TENM1: variants seen among roughly 807,000 people sequenced by gnomAD.
The protein encoded by TENM1 is teneurin-1.
In TENM1, 35 loss-of-function variants were observed where a neutral mutation model predicts 174.8. The ratio of observed to expected loss-of-function variants is 0.20; its 90% CI spans 0.15 to 0.27. The LOEUF (loss-of-function observed/expected upper bound fraction) is 0.27, where lower values mean the gene tolerates loss of function less well. Ranked by LOEUF, TENM1 falls within the 10% of genes least tolerant of loss-of-function variation. The probability of loss-of-function intolerance (pLI) is 1.00; values close to 1 mark genes in which losing one functional copy is unlikely to be tolerated. For missense variants in TENM1, 1,633 were observed against 2,130.1 expected, an observed-to-expected ratio of 0.77 and a Z score of 4.59; for synonymous variants, 781 against 798.7, an observed-to-expected ratio of 0.98 and a Z score of 0.37.
the TENM1 span, among the ~76,000 whole-genome samples, chrX:125,106,119 T>A: frequency 8.9e-6 from 1 of 111,973 alleles, no homozygotes; most frequent in Non-Finnish European, 1.9e-5. Flanking sequence ...AGCTCAAATG[T>A]TACCTCCTCA....
intron 3 of TENM1, among the ~76,000 whole-genome samples, chrX:124,788,109 A>G (rs750796035): frequency 9.0e-6 from 1 of 111,508 alleles, no homozygotes; most frequent in East Asian, 2.8e-4. Context: ...ACCTGCCCCT[A>G]TAATTCAATA....
the TENM1 span, among the ~76,000 whole-genome samples, chrX:124,991,618 AAAAAGGGG>A: frequency 9.1e-6 from 1 of 110,483 alleles, no homozygotes; most frequent in Non-Finnish European, 1.9e-5. Context: ...TGATGATGCA[AAAAAGGGG>A]AATTTGTACT....
the TENM1 span, among the ~76,000 whole-genome samples, chrX:125,007,717 G>C: frequency 7.1e-5 from 8 of 111,899 alleles, no homozygotes; most frequent in Non-Finnish European, 1.3e-4. Flanking sequence ...CCAGAAGAGA[G>C]TGGGGGCCAA....
intron 11 of TENM1, among the ~76,000 whole-genome samples, chrX:124,622,126 C>G (rs1320232950): frequency 8.9e-6 from 1 of 112,110 alleles, no homozygotes; most frequent in South Asian, 3.7e-4. Flanking sequence ...GGTTACTTTT[C>G]ATTACACTGC....
chrX:125,063,442 A>C, the TENM1 span, among the ~76,000 whole-genome samples: 1 of 111,851 alleles, frequency 8.9e-6, no homozygotes, highest in South Asian at 3.8e-4. Context: ...CAGAATCTAC[A>C]ATGACTCAAA....
intron 11 of TENM1, among the ~76,000 whole-genome samples, chrX:124,628,999 T>C (rs767717158): frequency 9.0e-6 from 1 of 111,695 alleles, no homozygotes; most frequent in South Asian, 3.7e-4. Flanking sequence ...ATCCTAGAAA[T>C]AGTACAGTGG....
At chrX:125,163,481 T>C in the TENM1 span, among the ~76,000 whole-genome samples, 9 of 111,307 alleles carry the variant, frequency 8.1e-5, no homozygotes, top group Non-Finnish European at 3.8e-5. Flanking sequence ...GAGCAGTTCA[T>C]GTTCCTTCAG....
Position 124,766,222 on chromosome X carries a change from A to C in TENM1, c.536-29025T>G, listed in dbSNP as rs13328555. 4.5e-3 allele frequency among the ~76,000 whole-genome samples: 505 copies of C among 111,607 alleles called. 6 individuals are homozygous for C. Among genetic ancestry groups the C allele is most frequent in the African/African-American group, 0.015 (477 of 30,819 alleles). ...AAAAAGAACCCAGAAAAAGAACCCAAGTCTTTCAACTTCCAATCCAGTATC... is the reference window on the plus strand; with the variant it reads ...AAAAAGAACCCAGAAAAAGAACCCACGTCTTTCAACTTCCAATCCAGTATC... On this transcript the variant is annotated intron_variant, in intron 3 of 31. Transcript: ENST00000422452.
chrX:124,997,132 G>T, the TENM1 span, among the ~76,000 whole-genome samples: 2 of 110,954 alleles, frequency 1.8e-5, no homozygotes, highest in Non-Finnish European at 3.8e-5. Context: ...GGCAAATCAG[G>T]GCCAGATTAT....
chrX:124,924,152 G>C (rs980723957), intron 1 of TENM1, among the ~76,000 whole-genome samples: 2 of 111,736 alleles, frequency 1.8e-5, no homozygotes, highest in African/African-American at 6.5e-5. Context: ...CCATTTCCTT[G>C]TTTAATTTTC....
intron 25 of TENM1, among the ~76,000 whole-genome samples, chrX:124,418,361 A>G (rs895886475): frequency 1.3e-5 from 1 of 75,161 alleles, no homozygotes; most frequent in African/African-American, 5.3e-5. Flanking sequence ...ACCACCCCCC[A>G]CCCCCCAGAT....
the TENM1 span, among the ~76,000 whole-genome samples, chrX:124,993,921 TGGCAACATCCATGACTAACAGGA>T: frequency 9.0e-6 from 1 of 110,921 alleles, no homozygotes; most frequent in Non-Finnish European, 1.9e-5. Flanking sequence ...ACAGTGATAG[TGGCAACATCCATGACTAACAGGA>T]GGCAACATCA....
At chrX:125,180,883 T>C in the TENM1 span, among the ~76,000 whole-genome samples, 1 of 111,838 alleles carries the variant, frequency 8.9e-6, no homozygotes, top group Non-Finnish European at 1.9e-5. Context: ...TTCTCATCCC[T>C]ACCATTTGTT....
At chrX:124,642,741 G>A (rs73558364) in intron 10 of TENM1, among the ~76,000 whole-genome samples, 8,932 of 111,302 alleles carry the variant, frequency 0.08, 737 homozygotes, top group African/African-American at 0.24. Flanking sequence ...GTAGGTTCTT[G>A]TGCTTGCCTG....
chrX:124,676,257 AATATATATATAT>A (rs56962688), intron 5 of TENM1, among the ~76,000 whole-genome samples: 397 of 22,890 alleles, frequency 0.017, 12 homozygotes, highest in Middle Eastern at 0.023. Flanking sequence ...ACATATATAA[AATATATATATAT>A]ATATATATAT....
intron 14 of TENM1, among the ~76,000 whole-genome samples, chrX:124,552,414 C>A (rs12008708): frequency 0.023 from 1,602 of 71,181 alleles, 31 homozygotes; most frequent in African/African-American, 0.078. Flanking sequence ...TTCTTCATTT[C>A]TTCAGGCTGA....
the TENM1 span, among the ~76,000 whole-genome samples, chrX:125,119,889 T>C: frequency 8.9e-6 from 1 of 111,902 alleles, no homozygotes. Context: ...ATAGTCTTTA[T>C]AGTACTAGTT....
Position 124,704,858 on chromosome X carries a change from GA to G in TENM1, c.1015+154del, listed in dbSNP as rs879137184. Among the ~76,000 whole-genome samples, 331 of 94,177 alleles carry G rather than the reference GA, an allele frequency of 3.5e-3. 2 individuals carry two copies. Among genetic ancestry groups the G allele is most frequent in the African/African-American group, 0.011 (275 of 26,184 alleles). The allele number at this position is 94,177 out of a possible 115,157, so 81.8% of individuals were successfully genotyped here. A position where few individuals can be genotyped will look rare whatever the true frequency, so the allele number is the denominator to read the frequency against. The stretch of plus-strand genomic sequence containing the variant: ...CCTCAGCAGTATTTAAGGTTAGGAA[GA>G]AAAAAAAAAAAGAAGAAAATCAATT... On this transcript the variant is annotated intron_variant, in intron 5 of 31. Transcript: ENST00000422452.
At chrX:125,063,197 T>C in the TENM1 span, among the ~76,000 whole-genome samples, 1 of 112,019 alleles carries the variant, frequency 8.9e-6, no homozygotes, top group Admixed American at 9.5e-5. Flanking sequence ...ATATAACACA[T>C]TATAATTTCA....
Sources: allele counts gnomAD v4.1 joint callset (sites outside exome capture counted in the v4.1 genomes callset), GRCh38; gene constraint gnomAD v4.1.1; transcripts MANE v1.5; gene names NCBI Gene and HGNC (gene_info 2026-07-23, HGNC 2026-07-21).